The following TMPPE variants were observed in gnomAD, a reference collection of about 807,000 sequenced individuals.
TMPPE encodes the protein transmembrane protein with metallophosphoesterase domain.
Under a neutral mutation model 22.6 loss-of-function variants are expected in TMPPE, and 16 were observed. That is an observed-to-expected ratio of 0.71 (90% confidence interval 0.48 to 1.08). TMPPE has a LOEUF of 1.08. Among genes scored for constraint, TMPPE ranks in the 50% least tolerant of loss-of-function variants. TMPPE has a pLI of 0.00. For synonymous variants in TMPPE, 240 were observed against 245.3 expected (o/e 0.98, Z 0.20); for missense variants, 526 against 584.3 (o/e 0.90, Z 1.03).
Position 33,093,262 on chromosome 3 carries a change from C to A in TMPPE, c.934G>T (p.Ala312Ser). 6.2e-7 allele frequency: 1 copy of A among 1,614,132 alleles called. No individual in the cohort carries two copies. ...NENVKISATRAQRGGGGSGSG... is the reference protein window; with the variant it reads ...NENVKISATRSQRGGGGSGSG... ...CCACTGCCACCACCACCACGTTGGGCCCGTGTGGCGGAAATCTTCACGTTC... is the reference window on the plus strand; with the variant it reads ...CCACTGCCACCACCACCACGTTGGGACCGTGTGGCGGAAATCTTCACGTTC... The change falls in exon 2 of 2, where the codon GCC becomes TCC. Residue 312 changes from alanine to serine, a missense_variant. Transcript: ENST00000342462. This position sits in a 1 kb window ranked among gnomAD's most constrained non-coding sequence, Gnocchi z 6.0.
chr3:33,094,379 T>G, intron 1 of TMPPE, 76 bp from the exon 2 acceptor site: 1 of 1,369,364 alleles, frequency 7.3e-7, no homozygotes, highest in Admixed American at 3.3e-5. Context: ...AAAGGCCACT[T>G]ACATCTGCCC....
Position 33,090,845 on chromosome 3 carries a change from G to C in TMPPE, c.*1989C>G. 1 of 985,256 alleles carries C rather than the reference G, an allele frequency of 1.0e-6. No individual in the cohort carries two copies. Among genetic ancestry groups the C allele is most frequent in the East Asian group, 1.1e-4 (1 of 8,810 alleles). 61.0% of individuals were successfully genotyped at this position (985,256 alleles called of 1,614,324 possible). ...TAATAGAAAGCAATCAGTCAAGCAA[G>C]GACTTCAGAGTGGATGAAGGGTACA... On this transcript the variant is annotated 3_prime_UTR_variant, in exon 2 of 2. Transcript: ENST00000342462.
In TMPPE at chr3:33,093,657, C is replaced by G. The variant is rs1559423692; in HGVS notation, c.539G>C (p.Gly180Ala). 1 of 1,614,174 alleles carries G rather than the reference C, an allele frequency of 6.2e-7. No homozygotes were observed. The highest frequency in any genetic ancestry group is 8.5e-7 in the Non-Finnish European group (1 of 1,180,038). Residue 180 changes from glycine (G) to alanine (A), a missense_variant, in exon 2 of 2, where the codon GGG becomes GCG. Transcript: ENST00000342462. This position sits in a 1 kb window ranked among gnomAD's most constrained non-coding sequence, Gnocchi z 6.0. ...CGGGGGCTGCGCGGCATTCAGAATCCCGGCCACGCTGAGCACAGCAGTCAC... is the reference window on the plus strand; with the variant it reads ...CGGGGGCTGCGCGGCATTCAGAATCGCGGCCACGCTGAGCACAGCAGTCAC... ...VGVTAVLSVA[G>A]ILNAAQPPAV...
intron 1 of TMPPE, among the ~76,000 whole-genome samples, chr3:33,095,695 T>G (rs1332073379): frequency 6.6e-6 from 1 of 152,188 alleles, no homozygotes; most frequent in African/African-American, 2.4e-5. Context: ...TCCTGGTTCA[T>G]AAATCCTTCT....
In TMPPE at chr3:33,092,283, G is replaced by C; in HGVS notation, c.*551C>G. The stretch of plus-strand genomic sequence containing the variant: ...TGATGCCCTCAATAGAGGTGATCCT[G>C]ATAGAATCAGAGGAAAAGAAAATAT... On this transcript the variant is annotated 3_prime_UTR_variant, in exon 2 of 2. Transcript: ENST00000342462. 1.0e-6 allele frequency: 1 copy of C among 986,720 alleles called. No homozygotes were observed. Among genetic ancestry groups the C allele is most frequent in the Non-Finnish European group, 1.2e-6 (1 of 830,868 alleles). 61.1% of individuals were successfully genotyped at this position (986,720 alleles called of 1,614,324 possible).
Position 33,096,776 on chromosome 3 carries a change from G to A in TMPPE, c.-166C>T. 1 of 1,332,096 alleles carries A rather than the reference G, an allele frequency of 7.5e-7. No individual in the cohort carries two copies. Among genetic ancestry groups the A allele is most frequent in the East Asian group, 3.2e-5 (1 of 31,140 alleles). The allele number at this position is 1,332,096 out of a possible 1,614,324, so 82.5% of individuals were successfully genotyped here. A position where few individuals can be genotyped will look rare whatever the true frequency, so the allele number is the denominator to read the frequency against. On this transcript the variant is annotated 5_prime_UTR_variant, in exon 1 of 2. Coordinates refer to ENST00000342462, the MANE Select transcript of TMPPE (RefSeq NM_001039770.3). ...TGGATCCAAGCGCAAAGGGCGGCCG[G>A]AGCGGAACGCACAAGCGACCGAGCT...
Position 33,092,621 on chromosome 3 carries a change from C to G in TMPPE, c.*213G>C, listed in dbSNP as rs1427462985. The G allele has an allele frequency of 2.6e-5, 35 of 1,359,412 alleles. No individual in the cohort carries two copies. Among genetic ancestry groups the G allele is most frequent in the Non-Finnish European group, 3.2e-5 (34 of 1,057,234 alleles). 84.2% of individuals were successfully genotyped at this position (1,359,412 alleles called of 1,614,324 possible). A position where few individuals can be genotyped will look rare whatever the true frequency, so the allele number is the denominator to read the frequency against. ...GACCTTAGTGATCTCACAAGTGCAT[C>G]AAAAAAAGCAACTGGCCAAGGAAAT... is the stretch of plus-strand genomic sequence containing the variant. On this transcript the variant is annotated 3_prime_UTR_variant, in exon 2 of 2. Transcript: ENST00000342462.
At chr3:33,095,744 C>T (rs1049885239) in intron 1 of TMPPE, among the ~76,000 whole-genome samples, 1 of 152,178 alleles carries the variant, frequency 6.6e-6, no homozygotes, top group African/African-American at 2.4e-5. Context: ...TGGTTAAGAT[C>T]TGCCTTTCCC....
At chr3:33,095,176 A>C (rs1048333563) in intron 1 of TMPPE, among the ~76,000 whole-genome samples, 1 of 132,474 alleles carries the variant, frequency 7.5e-6, no homozygotes, top group Non-Finnish European at 1.5e-5. Flanking sequence ...GTGCCACTGC[A>C]CTCCAGCCTG....
chr3:33,095,512 G>A (rs1301413810), intron 1 of TMPPE, among the ~76,000 whole-genome samples: 1 of 152,140 alleles, frequency 6.6e-6, no homozygotes, highest in East Asian at 1.9e-4. Context: ...CTTTAGCTGT[G>A]GGCACAGAAG....
chr3:33,096,383 C>G, intron 1 of TMPPE: 1 of 982,076 alleles, frequency 1.0e-6, no homozygotes, highest in Non-Finnish European at 1.2e-6. Context: ...TGGCATCCCC[C>G]GGCAGCCTGC....
rs1227344114 is a variant in TMPPE at position 33,093,703 on chromosome 3, T to G, written c.493A>C (p.Arg165=). 2 of 1,614,164 alleles carry G rather than the reference T, an allele frequency of 1.2e-6. No homozygotes were observed. The highest frequency in any genetic ancestry group is 1.7e-6 in the Non-Finnish European group (2 of 1,180,002). The change falls in exon 2 of 2, where the codon AGG becomes CGG. Residue 165 remains arginine, a synonymous_variant. Coordinates refer to ENST00000342462, the MANE Select transcript of TMPPE (RefSeq NM_001039770.3). The surrounding 1 kb of genome is among the most constrained non-coding windows in gnomAD (Gnocchi z 6.0). Reference sequence around the variant, plus strand: ...GTCACTCCCACTGCCAGGGCAGGCCTGAGCACGAGCTTCCTTGTCTTCTCA... The same window carrying G: ...GTCACTCCCACTGCCAGGGCAGGCCGGAGCACGAGCTTCCTTGTCTTCTCA... ...SLEKTRKLVL[R]PALAVGVTAV...
Position 33,093,163 on chromosome 3 carries a change from A to C in TMPPE, c.1033T>G (p.Ser345Ala). The C allele has an allele frequency of 6.2e-7, 1 of 1,614,172 alleles. No homozygotes were observed. The highest frequency in any genetic ancestry group is 8.5e-7 in the Non-Finnish European group (1 of 1,180,040). Reference protein sequence around the residue: ...DDIEADILHYSGHGMDLDKAL... With the variant: ...DDIEADILHYAGHGMDLDKAL... ...TTGTCAAGATCCATGCCATGGCCAG[A>C]GTAGTGCAGGATGTCTGCTTCAATA... The change falls in exon 2 of 2, where the codon TCT (serine) becomes GCT (alanine). Residue 345 changes from serine (S) to alanine (A), a missense_variant. Ser to Ala is a moderately conservative substitution (Grantham distance 99). Coordinates refer to ENST00000342462, the MANE Select transcript of TMPPE (RefSeq NM_001039770.3). This position sits in a 1 kb window ranked among gnomAD's most constrained non-coding sequence, Gnocchi z 6.0.
rs150233282 is a variant in TMPPE at position 33,094,995 on chromosome 3, G to A, written c.-108-692C>T. Among the ~76,000 whole-genome samples the A allele has an allele frequency of 7.0e-3, 1,068 of 152,270 alleles. 18 individuals are homozygous for A. The highest frequency in any genetic ancestry group is 0.024 in the African/African-American group (1,008 of 41,542). ...GGAGGCCGAGGCAGGCAGATTACCT[G>A]AGGTCAGGAGTTCAAGACCAGCCTG... On this transcript the variant is annotated intron_variant, in intron 1 of 1. Transcript: ENST00000342462.
At chr3:33,096,499 G>A (rs746608791) in intron 1 of TMPPE, 952 of 985,172 alleles carry the variant, frequency 9.7e-4, no homozygotes, top group Non-Finnish European at 1.1e-3. Flanking sequence ...TGGTGAGAAA[G>A]GAACAAGATG....
chr3:33,095,328 T>C (rs1700976274), intron 1 of TMPPE, among the ~76,000 whole-genome samples: 1 of 150,652 alleles, frequency 6.6e-6, no homozygotes, highest in Non-Finnish European at 1.5e-5. Context: ...CCATCCTGGC[T>C]AACATGGTGA....
Position 33,094,262 on chromosome 3 carries a change from G to C in TMPPE, c.-67C>G. 1 of 1,524,798 alleles carries C rather than the reference G, an allele frequency of 6.6e-7. No individual in the cohort carries two copies. The highest frequency in any genetic ancestry group is 2.3e-5 in the East Asian group (1 of 44,132). 94.5% of individuals were successfully genotyped at this position (1,524,798 alleles called of 1,614,324 possible). A position where few individuals can be genotyped will look rare whatever the true frequency, so the allele number is the denominator to read the frequency against. ...GTGGACTCTGGAAATGAGTTCCTTA[G>C]AAAGGACAGTGGCCAAGGAGAGGTT... On this transcript the variant is annotated 5_prime_UTR_variant, in exon 2 of 2. Transcript: ENST00000342462.
rs60798803 is a variant in TMPPE at position 33,092,304 on chromosome 3, A to G, written c.*530T>C. ...TCCTGATAGAATCAGAGGAAAAGAA[A>G]ATATTCTTCTCTAGCAGCCAGAGGG... On this transcript the variant is annotated 3_prime_UTR_variant, in exon 2 of 2. Coordinates refer to ENST00000342462, the MANE Select transcript of TMPPE (RefSeq NM_001039770.3). 1.1e-3 allele frequency: 1,054 copies of G among 987,002 alleles called. 9 individuals are homozygous for G. The African/African-American group carries it at 0.017, about 16-fold the overall frequency. 61.1% of individuals were successfully genotyped at this position (987,002 alleles called of 1,614,324 possible).
At chr3:33,096,685 C>T (rs1701044291) in intron 1 of TMPPE, 34 bp downstream of exon 1, 1 of 1,159,252 alleles carries the variant, frequency 8.6e-7, no homozygotes, top group South Asian at 2.7e-5. Context: ...GAATCCCCTC[C>T]CGGAAAGCCA....
Sources: allele counts gnomAD v4.1 joint callset (sites outside exome capture counted in the v4.1 genomes callset), GRCh38; gene constraint gnomAD v4.1.1; non-coding constraint Gnocchi (gnomAD v3.1); transcripts MANE v1.5; gene names NCBI Gene and HGNC (gene_info 2026-07-23, HGNC 2026-07-21).